The following TRAPPC3L variants were observed in gnomAD, a reference collection of about 807,000 sequenced individuals.
TRAPPC3L encodes trafficking protein particle complex subunit 3L, also known as trafficking protein particle complex subunit 3-like protein.
Under a neutral mutation model 23.7 loss-of-function variants are expected in TRAPPC3L, and 23 were observed. The ratio of observed to expected loss-of-function variants is 0.97; its 90% CI spans 0.70 to 1.37. The LOEUF is 1.37. TRAPPC3L is among the 40% of genes most tolerant of loss of function. TRAPPC3L has a pLI of 0.00. For missense variants in TRAPPC3L, 212 were observed against 216.8 expected, an observed-to-expected ratio of 0.98 and a Z score of 0.14; for synonymous variants, 81 against 77.9, an observed-to-expected ratio of 1.04 and a Z score of -0.21.
At chr6:116,497,207 G>A in intron 4 of TRAPPC3L, 134 bp from the exon 5 acceptor site, 1 of 1,106,948 alleles carries the variant, frequency 9.0e-7, no homozygotes. Flanking sequence ...TGGATAAAGG[G>A]CCCTTTACTG....
At chr6:116,507,532 T>G (rs540891596) in intron 3 of TRAPPC3L, among the ~76,000 whole-genome samples, 74 of 123,762 alleles carry the variant, frequency 6.0e-4, no homozygotes, top group East Asian at 2.9e-3. Flanking sequence ...ATCATCCCTT[T>G]GTTCAGTGTA....
intron 3 of TRAPPC3L, among the ~76,000 whole-genome samples, chr6:116,527,439 G>A (rs891419249): frequency 1.3e-5 from 2 of 151,466 alleles, no homozygotes; most frequent in Non-Finnish European, 2.9e-5. Flanking sequence ...GGCGTGAACC[G>A]GGGAGGCGGA....
At chr6:116,514,982 G>A (rs1168143841) in intron 3 of TRAPPC3L, among the ~76,000 whole-genome samples, 1 of 152,200 alleles carries the variant, frequency 6.6e-6, no homozygotes, top group Non-Finnish European at 1.5e-5. Context: ...GAGAAAAGCT[G>A]AACCATTTCA....
chr6:116,526,289 T>C (rs957203125), intron 3 of TRAPPC3L, among the ~76,000 whole-genome samples: 2 of 152,202 alleles, frequency 1.3e-5, no homozygotes, highest in African/African-American at 4.8e-5. Flanking sequence ...ATTTGAAGCA[T>C]GTAAAAGACA....
At chr6:116,509,102 A>AC (rs1389816119) in intron 3 of TRAPPC3L, among the ~76,000 whole-genome samples, 2 of 151,616 alleles carry the variant, frequency 1.3e-5, no homozygotes, top group African/African-American at 4.8e-5. Flanking sequence ...AAAAAAAAAA[A>AC]AAAAAAAAAA....
chr6:116,537,839 T>A (rs1485004646), intron 3 of TRAPPC3L, among the ~76,000 whole-genome samples: 3 of 152,200 alleles, frequency 2.0e-5, no homozygotes, highest in Admixed American at 2.0e-4. Flanking sequence ...TAATTTTTAT[T>A]GAGTAAATAC....
At chr6:116,529,635 T>C (rs1264238863) in intron 3 of TRAPPC3L, among the ~76,000 whole-genome samples, 1 of 152,222 alleles carries the variant, frequency 6.6e-6, no homozygotes, top group Non-Finnish European at 1.5e-5. Flanking sequence ...AGAAGTTACA[T>C]GTCATCTGGT....
intron 4 of TRAPPC3L, among the ~76,000 whole-genome samples, chr6:116,498,720 T>C (rs1333001083): frequency 1.3e-5 from 2 of 152,216 alleles, no homozygotes; most frequent in African/African-American, 4.8e-5. Flanking sequence ...TCAGGTCCGG[T>C]TTAACTTAGA....
Position 116,496,850 on chromosome 6 carries a change from C to T in TRAPPC3L, c.*104G>A. On this transcript the variant is annotated 3_prime_UTR_variant, in exon 5 of 5. Coordinates refer to ENST00000368602, the MANE Select transcript of TRAPPC3L (RefSeq NM_001139444.3). ...TCAAATTTCTGGCTGATTTATAAAC[C>T]TTTCAAAGCTCATGCTATGAAGCAA... 2.9e-6 allele frequency: 4 copies of T among 1,378,964 alleles called. No homozygotes were observed. The highest frequency in any genetic ancestry group is 3.8e-6 in the Non-Finnish European group (4 of 1,060,186). The allele number at this position is 1,378,964 out of a possible 1,614,324, so 85.4% of individuals were successfully genotyped here. A position where few individuals can be genotyped will look rare whatever the true frequency, so the allele number is the denominator to read the frequency against.
intron 3 of TRAPPC3L, among the ~76,000 whole-genome samples, chr6:116,528,394 C>A (rs997786900): frequency 6.6e-6 from 1 of 152,068 alleles, no homozygotes; most frequent in East Asian, 1.9e-4. Context: ...AGGTACAAAG[C>A]GGAATAGACC....
At chr6:116,520,845 T>C (rs1287408836) in intron 3 of TRAPPC3L, 2 of 152,044 alleles carry the variant, frequency 1.3e-5, no homozygotes, top group African/African-American at 4.8e-5. Flanking sequence ...CATCCTAATA[T>C]GATGTATTTG....
At chr6:116,544,150 G>GAAGAGA (rs1773627167) in intron 1 of TRAPPC3L, among the ~76,000 whole-genome samples, 1 of 62,290 alleles carries the variant, frequency 1.6e-5, no homozygotes, top group African/African-American at 4.3e-5. Context: ...CAAAGGTGAA[G>GAAGAGA]AAGAGAGAGA....
At chr6:116,500,367 C>A in intron 4 of TRAPPC3L, 114 bp downstream of exon 4, 1 of 946,404 alleles carries the variant, frequency 1.1e-6, no homozygotes, top group South Asian at 1.9e-5. Context: ...ATTTGTAACA[C>A]ACCATTAGAT....
rs148781142 is a variant in TRAPPC3L at position 116,500,229 on chromosome 6, A to G, written c.426+252T>C. 8.2e-3 allele frequency among the ~76,000 whole-genome samples: 1,247 copies of G among 152,348 alleles called. 6 individuals are homozygous for G. Among genetic ancestry groups the G allele is most frequent in the Non-Finnish European group, 0.014 (927 of 68,032 alleles). ...CAGCCCTGGCCAGCAGCTTGACTGCATGTGTATTAAGCCATGAAAGACTCT... is the reference window on the plus strand; with the variant it reads ...CAGCCCTGGCCAGCAGCTTGACTGCGTGTGTATTAAGCCATGAAAGACTCT... On this transcript the variant is annotated intron_variant, in intron 4 of 4. Coordinates refer to ENST00000368602, the MANE Select transcript of TRAPPC3L (RefSeq NM_001139444.3).
At chr6:116,539,645 C>A (rs1773308643) in intron 3 of TRAPPC3L, among the ~76,000 whole-genome samples, 1 of 152,006 alleles carries the variant, frequency 6.6e-6, no homozygotes, top group African/African-American at 2.4e-5. Flanking sequence ...GCCATTCATG[C>A]ACAGAGTCAG....
At chr6:116,535,862 C>G (rs1271769644) in intron 3 of TRAPPC3L, among the ~76,000 whole-genome samples, 1 of 152,170 alleles carries the variant, frequency 6.6e-6, no homozygotes. Context: ...AAATTCTAAG[C>G]TGGCTTTTCT....
At chr6:116,545,042 G>C (rs574201721) in intron 1 of TRAPPC3L, among the ~76,000 whole-genome samples, 230 of 151,584 alleles carry the variant, frequency 1.5e-3, no homozygotes, top group Non-Finnish European at 2.2e-3. Flanking sequence ...ATTTTTAAAG[G>C]CAATCCTTTT....
Position 116,540,362 on chromosome 6 carries a change from C to A in TRAPPC3L, c.240+1G>T. 10 of 1,550,336 alleles carry A rather than the reference C, an allele frequency of 6.5e-6. No homozygotes were observed. Among genetic ancestry groups the A allele is most frequent in the Non-Finnish European group, 8.7e-6 (10 of 1,146,260 alleles). ...ATTGACAGAGATAAAAACATAGTTA[C>A]CTGGGCAATTATGTCTATAATTTCT... On this transcript the variant is annotated splice_donor_variant, in intron 3 of 4. Transcript: ENST00000368602. LOFTEE classifies it high-confidence loss of function.
At chr6:116,543,716 C>G (rs1773600966) in intron 1 of TRAPPC3L, 14 of 1,045,930 alleles carry the variant, frequency 1.3e-5, no homozygotes, top group Non-Finnish European at 1.8e-5. Flanking sequence ...ATACTAATTT[C>G]TAACATAAAT....
Sources: gnomAD v4.1 joint callset for allele counts (sites outside exome capture counted in the v4.1 genomes callset) on GRCh38, gnomAD v4.1.1 for gene constraint, MANE v1.5 for transcripts, NCBI Gene and HGNC (gene_info 2026-07-23, HGNC 2026-07-21) for gene names.